TSNAX: variants seen among roughly 807,000 people sequenced by gnomAD.
TSNAX encodes the protein translin-associated protein X.
Under a neutral mutation model 33.0 loss-of-function variants are expected in TSNAX, and 12 were observed. That is an observed-to-expected ratio of 0.36 (90% CI 0.23 to 0.59). The LOEUF is 0.59. Among genes scored for constraint, TSNAX ranks in the 20% least tolerant of loss-of-function variants. The probability of loss-of-function intolerance (pLI) is 0.74; values close to 1 mark genes in which losing one functional copy is unlikely to be tolerated. For missense variants in TSNAX, 267 were observed against 341.3 expected (o/e 0.78, Z 1.72); for synonymous variants, 110 against 117.2 (o/e 0.94, Z 0.40).
intron 4 of TSNAX, among the ~76,000 whole-genome samples, chr1:231,553,682 CTTT>C (rs5781656): frequency 1.5e-5 from 2 of 133,722 alleles, no homozygotes; most frequent in Non-Finnish European, 3.1e-5. Context: ...TCTTTCTTTC[CTTT>C]TTTTTTTTTT....
intron 4 of TSNAX, among the ~76,000 whole-genome samples, chr1:231,558,496 GC>G (rs1436631884): frequency 6.6e-6 from 1 of 152,158 alleles, no homozygotes; most frequent in Non-Finnish European, 1.5e-5. Flanking sequence ...AAGTGATACA[GC>G]TATTACTGGT....
chr1:231,561,468 CTT>C (rs955020613), intron 5 of TSNAX, among the ~76,000 whole-genome samples: 2 of 152,158 alleles, frequency 1.3e-5, no homozygotes, highest in African/African-American at 2.4e-5. Flanking sequence ...AAGTAATGCT[CTT>C]TACCTAAAGC....
intron 4 of TSNAX, among the ~76,000 whole-genome samples, chr1:231,555,122 C>G (rs1051373472): frequency 6.6e-6 from 1 of 152,144 alleles, no homozygotes; most frequent in African/African-American, 2.4e-5. Context: ...TTTACAGCAG[C>G]ATTACTTAGA....
chr1:231,560,988 C>G, intron 4 of TSNAX, 140 bp from the exon 5 acceptor site: 2 of 770,142 alleles, frequency 2.6e-6, no homozygotes, highest in East Asian at 3.0e-5. Context: ...TTCTAAGTGT[C>G]TAGTCTAGTA....
At chr1:231,542,432 A>G (rs764722098) in intron 3 of TSNAX, 49 bp from the exon 4 acceptor site, 10 of 1,592,964 alleles carry the variant, frequency 6.3e-6, no homozygotes, top group East Asian at 4.5e-5. Context: ...TTAGTTTTTC[A>G]CTGTTAAAGC....
At chr1:231,552,886 T>C (rs1558132303) in intron 4 of TSNAX, among the ~76,000 whole-genome samples, 1 of 152,250 alleles carries the variant, frequency 6.6e-6, no homozygotes, top group Non-Finnish European at 1.5e-5. Context: ...AGAGCATGTT[T>C]TCAGAGTTCA....
intron 3 of TSNAX, among the ~76,000 whole-genome samples, chr1:231,538,353 C>T (rs915250826): frequency 6.6e-6 from 1 of 152,156 alleles, no homozygotes; most frequent in Admixed American, 6.6e-5. Flanking sequence ...TCATATTATT[C>T]ATACAGTTTT....
chr1:231,546,399 G>A (rs1469798689), intron 4 of TSNAX, among the ~76,000 whole-genome samples: 1 of 152,110 alleles, frequency 6.6e-6, no homozygotes, highest in African/African-American at 2.4e-5. Context: ...GCAGGAATAG[G>A]ATCAATATTA....
Position 231,561,207 on chromosome 1 carries a change from TAAAC to T in TSNAX, c.450_453del (p.Lys150AsnfsTer2), listed in dbSNP as rs747577822. The T allele has an allele frequency of 1.3e-6, 2 of 1,589,616 alleles. No individual in the cohort carries two copies. Among genetic ancestry groups the T allele is most frequent in the Non-Finnish European group, 8.6e-7 (1 of 1,161,076 alleles). ...CATTAATTAGTATGGATGAAATTAATAAACAATTGATATTTACGACTGAAGACAA... is the reference window on the plus strand; with the variant it reads ...CATTAATTAGTATGGATGAAATTAATAATTGATATTTACGACTGAAGACAA... On this transcript the variant is annotated frameshift_variant, in exon 5 of 6. Transcript: ENST00000366639. LOFTEE classifies it high-confidence loss of function.
In TSNAX at chr1:231,564,830, A is replaced by C; in HGVS notation, c.798A>C (p.Glu266Asp). 1 of 1,614,218 alleles carries C rather than the reference A, an allele frequency of 6.2e-7. No homozygotes were observed. Among genetic ancestry groups the C allele is most frequent in the Non-Finnish European group, 8.5e-7 (1 of 1,180,046 alleles). ...ATGCCTTGAAAGTCAGAGGGTCAGA[A>C]ATTCCAAAACATATGTTGGCAGATG... Reference protein sequence around the residue: ...ACYALKVRGSEIPKHMLADVF... With the variant: ...ACYALKVRGSDIPKHMLADVF... Residue 266 changes from glutamate to aspartate, a missense_variant, in exon 6 of 6, where the codon GAA becomes GAC. Physicochemically the swap from Glu to Asp is conservative, Grantham distance 45. This residue lies in a region of TSNAX where 67 missense variants were observed against 127.2 expected (regional missense o/e 0.53). Coordinates refer to ENST00000366639, the MANE Select transcript of TSNAX (RefSeq NM_005999.3).
intron 4 of TSNAX, among the ~76,000 whole-genome samples, chr1:231,553,885 C>T (rs745494696): frequency 2.0e-5 from 3 of 152,034 alleles, no homozygotes; most frequent in Admixed American, 1.3e-4. Flanking sequence ...GAGGTTTCTC[C>T]ATGTTGGTCA....
chr1:231,528,954 CTG>C (rs1658457822), intron 1 of TSNAX, 128 bp downstream of exon 1: 10 of 1,268,018 alleles, frequency 7.9e-6, no homozygotes, highest in Non-Finnish European at 1.1e-5. Flanking sequence ...GGCGGCCCCT[CTG>C]TTTCTCTCCC....
At position 231,564,725 on chromosome 1, in the gene TSNAX, T is replaced by C. The variant is rs1419729385; in HGVS notation, c.693T>C (p.Ile231=). 1 of 1,614,058 alleles carries C rather than the reference T, an allele frequency of 6.2e-7. No homozygotes were observed. The highest frequency in any genetic ancestry group is 1.3e-5 in the African/African-American group (1 of 74,918). ...LRQVYDGFSF[I]GNTGPYEVSK... ...AGGTTTATGATGGGTTTTCATTCATTGGCAACACTGGACCTTACGAGGTTT... is the reference window on the plus strand; with the variant it reads ...AGGTTTATGATGGGTTTTCATTCATCGGCAACACTGGACCTTACGAGGTTT... The change falls in exon 6 of 6, where the codon ATT becomes ATC. Residue 231 remains isoleucine, a synonymous_variant. Transcript: ENST00000366639.
Position 231,534,758 on chromosome 1 carries a change from T to C in TSNAX, c.122-2455T>C, listed in dbSNP as rs1659045837. 2.6e-5 allele frequency: 4 copies of C among 152,238 alleles called. No homozygotes were observed. In the South Asian group the frequency reaches 8.3e-4, roughly 31 times the overall value. 9.4% of individuals were successfully genotyped at this position (152,238 alleles called of 1,614,324 possible). On this transcript the variant is annotated intron_variant, in intron 2 of 5. Coordinates refer to ENST00000366639, the MANE Select transcript of TSNAX (RefSeq NM_005999.3). ...ACAGATGCTCTTATCCAGTATGTTA[T>C]ACTGCTTATGATTTCAACAAGCAGT...
rs142497925 is a variant in TSNAX at position 231,558,078 on chromosome 1, G to A, written c.368-3050G>A. On this transcript the variant is annotated intron_variant, in intron 4 of 5. Transcript: ENST00000366639. The stretch of plus-strand genomic sequence containing the variant: ...CCAACCCTCACCCTTCACAGGATGA[G>A]GTCCAGACCATGCTGGAGAGGGTGG... Among the ~76,000 whole-genome samples the A allele has an allele frequency of 6.1e-3, 924 of 152,226 alleles. 11 individuals are homozygous for A. Among genetic ancestry groups the A allele is most frequent in the African/African-American group, 0.021 (878 of 41,486 alleles).
At chr1:231,547,323 C>T (rs544623300) in intron 4 of TSNAX, among the ~76,000 whole-genome samples, 2 of 150,708 alleles carry the variant, frequency 1.3e-5, no homozygotes, top group South Asian at 2.1e-4. Context: ...TTATCCATCT[C>T]TGATAGCTAG....
At chr1:231,552,985 A>G (rs889054208) in intron 4 of TSNAX, among the ~76,000 whole-genome samples, 10 of 152,184 alleles carry the variant, frequency 6.6e-5, no homozygotes, top group Non-Finnish European at 8.8e-5. Flanking sequence ...TTGTTAATCT[A>G]TCATCAGTTG....
rs377373726 is a variant in TSNAX at position 231,564,800 on chromosome 1, T to G, written c.768T>G (p.Ala256=). Residue 256 remains alanine (A), a synonymous_variant, in exon 6 of 6, where the codon GCT becomes GCG. Transcript: ENST00000366639. ...AAAGTTTGGCCAAAGTGGAGAATGC[T>G]TGTTATGCCTTGAAAGTCAGAGGGT... ...LKQSLAKVEN[A]CYALKVRGSE... is the part of the protein sequence containing the mutation. 4.3e-6 allele frequency: 7 copies of G among 1,614,092 alleles called. No homozygotes were observed. In the African/African-American group the frequency reaches 9.3e-5, roughly 22 times the overall value.
At chr1:231,534,002 C>G (rs1209902337) in intron 2 of TSNAX, 2 of 152,148 alleles carry the variant, frequency 1.3e-5, no homozygotes, top group African/African-American at 4.8e-5. Flanking sequence ...GTCCAGTAAT[C>G]TAGAACAGGA....
Sources: allele counts gnomAD v4.1 joint callset (sites outside exome capture counted in the v4.1 genomes callset), GRCh38; gene constraint gnomAD v4.1.1; regional missense constraint gnomAD v4.1.1; transcripts MANE v1.5; gene names NCBI Gene and HGNC (gene_info 2026-07-23, HGNC 2026-07-21).